The following PGGT1B variants were observed in gnomAD, a reference collection of about 807,000 sequenced individuals.
PGGT1B encodes the protein geranylgeranyl transferase type-1 subunit beta.
PGGT1B carries 30 observed loss-of-function variants against 46.1 expected under a neutral mutation model. The observed-to-expected ratio is 0.65, with a 90% CI of 0.49 to 0.88. PGGT1B has a LOEUF of 0.88. Ranked by LOEUF, PGGT1B falls within the 40% of genes least tolerant of loss-of-function variation. The pLI is 0.00. For missense variants in PGGT1B, 376 were observed against 455.9 expected, an observed-to-expected ratio of 0.82 and a Z score of 1.60; for synonymous variants, 170 against 160.0, an observed-to-expected ratio of 1.06 and a Z score of -0.47.
Position 115,212,441 on chromosome 5 carries a change from G to C in PGGT1B, c.1095C>G (p.Asp365Glu). 6.3e-7 allele frequency: 1 copy of C among 1,589,024 alleles called. No homozygotes were observed. The highest frequency in any genetic ancestry group is 8.6e-7 in the Non-Finnish European group (1 of 1,163,376). The change falls in exon 9 of 9, where the codon GAC becomes GAG. Residue 365 changes from aspartate to glutamate, a missense_variant. By Grantham distance (45) the Asp-to-Glu change is conservative. Transcript: ENST00000419445. The stretch of plus-strand genomic sequence containing the variant: ...GTACATTCTCTGAGCATTGTTTAGA[G>C]TCCTTGGTTTTCCAGCTTTGATGGA... Reference protein sequence around the residue: ...LDLHQSWKTKDSKQCSENVHI... With the variant: ...LDLHQSWKTKESKQCSENVHI...
chr5:115,222,780 A>C (rs112152988), intron 6 of PGGT1B, among the ~76,000 whole-genome samples: 2,037 of 152,320 alleles, frequency 0.013, 47 homozygotes, highest in African/African-American at 0.046. Flanking sequence ...ATGGAATACT[A>C]TGTAGCCATA....
At chr5:115,254,601 C>T (rs1304776496) in intron 1 of PGGT1B, among the ~76,000 whole-genome samples, 7 of 143,316 alleles carry the variant, frequency 4.9e-5, no homozygotes, top group Admixed American at 7.0e-5. Flanking sequence ...GATTTCTTCT[C>T]TTTTTTTTTT....
intron 3 of PGGT1B, among the ~76,000 whole-genome samples, chr5:115,240,632 C>T (rs1439592840): frequency 6.6e-6 from 1 of 152,184 alleles, no homozygotes; most frequent in Admixed American, 6.5e-5. Context: ...AGGAAGAAAG[C>T]TGAAGTAGTA....
chr5:115,236,330 T>C (rs1186874011), intron 5 of PGGT1B, 60 bp downstream of exon 5: 3 of 1,327,146 alleles, frequency 2.3e-6, no homozygotes, highest in East Asian at 4.9e-5. Flanking sequence ...TACACTATAA[T>C]ACAGCCCTCA....
At position 115,212,172 on chromosome 5, in the gene PGGT1B, A is replaced by G. The variant is rs1162621946; in HGVS notation, c.*230T>C. ...TCAAACAACTTCTTAGAAATACAGT[A>G]TAAACATTTAAGAACCACGACAAAG... On this transcript the variant is annotated 3_prime_UTR_variant, in exon 9 of 9. Coordinates refer to ENST00000419445, the MANE Select transcript of PGGT1B (RefSeq NM_005023.4). The G allele has an allele frequency of 1.6e-6, 1 of 607,080 alleles. No individual in the cohort carries two copies. Among genetic ancestry groups the G allele is most frequent in the Non-Finnish European group, 2.6e-6 (1 of 379,092 alleles). The allele number at this position is 607,080 out of a possible 1,614,324, so 37.6% of individuals were successfully genotyped here.
At chr5:115,214,450 G>A (rs1756346863) in intron 8 of PGGT1B, among the ~76,000 whole-genome samples, 1 of 152,114 alleles carries the variant, frequency 6.6e-6, no homozygotes. Flanking sequence ...TTTCATAAAT[G>A]TATATAAAAT....
intron 8 of PGGT1B, among the ~76,000 whole-genome samples, chr5:115,215,725 C>T (rs555484080): frequency 6.6e-6 from 1 of 152,326 alleles, no homozygotes; most frequent in African/African-American, 2.4e-5. Context: ...CACATTCCAA[C>T]CACAGCAGTT....
chr5:115,238,112 G>C, intron 3 of PGGT1B, 103 bp from the exon 4 acceptor site: 1 of 728,038 alleles, frequency 1.4e-6, no homozygotes, highest in Non-Finnish European at 2.2e-6. Context: ...AATTAAATAT[G>C]GCTTATACTG....
chr5:115,245,173 C>T lies in PGGT1B; in HGVS notation c.260-3567G>A, dbSNP rs563773731. On this transcript the variant is annotated intron_variant, in intron 2 of 8. Transcript: ENST00000419445. ...CTGGACACCTTTGTTGAGTACCCCA[C>T]CAACTTAAACAATTCTGTCAGGTGT... is the stretch of plus-strand genomic sequence containing the variant. 1.2e-3 allele frequency among the ~76,000 whole-genome samples: 185 copies of T among 152,228 alleles called. 1 individual carries two copies. Among genetic ancestry groups the T allele is most frequent in the Middle Eastern group, 3.4e-3 (1 of 294 alleles).
intron 5 of PGGT1B, among the ~76,000 whole-genome samples, chr5:115,232,695 A>G (rs1421268180): frequency 1.3e-5 from 2 of 152,050 alleles, no homozygotes; most frequent in Non-Finnish European, 2.9e-5. Flanking sequence ...GTATCATTTC[A>G]GCTTGTGTGG....
intron 2 of PGGT1B, among the ~76,000 whole-genome samples, chr5:115,250,771 C>A (rs1301625303): frequency 6.6e-6 from 1 of 152,166 alleles, no homozygotes; most frequent in African/African-American, 2.4e-5. Flanking sequence ...AGAAAAAGTA[C>A]ATGACTAGCA....
intron 6 of PGGT1B, among the ~76,000 whole-genome samples, chr5:115,225,808 G>C (rs1171992219): frequency 1.3e-5 from 2 of 151,790 alleles, no homozygotes; most frequent in Admixed American, 6.6e-5. Context: ...ACCACATTTG[G>C]CTAATTTTTT....
rs746265535 is a variant in PGGT1B, at chr5:115,238,024, A to T, written c.328-15T>A. The T allele has an allele frequency of 6.4e-7, 1 of 1,557,660 alleles. No individual in the cohort carries two copies. Among genetic ancestry groups the T allele is most frequent in the Admixed American group, 1.9e-5 (1 of 51,854 alleles). On this transcript the variant is annotated splice_polypyrimidine_tract_variant and intron_variant, in intron 3 of 8. Transcript: ENST00000419445. The stretch of plus-strand genomic sequence containing the variant: ...GTTCCAGGAGCCTAAATACAAAATT[A>T]ATATAGTACTAATTAATGAAGTGAA...
intron 1 of PGGT1B, among the ~76,000 whole-genome samples, chr5:115,257,929 T>C (rs1373144476): frequency 1.3e-5 from 2 of 152,218 alleles, no homozygotes; most frequent in African/African-American, 2.4e-5. Context: ...GATGCTGCCA[T>C]AATACTTCGA....
intron 5 of PGGT1B, among the ~76,000 whole-genome samples, chr5:115,233,829 T>C (rs265439): frequency 0.72 from 109,994 of 151,890 alleles, 41,050 homozygotes; most frequent in African/African-American, 0.92. Context: ...AGGCACTCTC[T>C]TATATTGGTA....
rs556082942 is a variant in PGGT1B, at chr5:115,217,181, T to C, written c.844-208A>G. Among the ~76,000 whole-genome samples, 43 of 152,300 alleles carry C rather than the reference T, an allele frequency of 2.8e-4. No individual in the cohort carries two copies. The South Asian group carries it at 3.3e-3, about 12-fold the overall frequency. On this transcript the variant is annotated intron_variant, in intron 7 of 8. Coordinates refer to ENST00000419445, the MANE Select transcript of PGGT1B (RefSeq NM_005023.4). ...ATCTACTCTCCTTTTCTCGACTCTCTATTTCCTTCTTCTGAACCAGGCCAA... is the reference window on the plus strand; with the variant it reads ...ATCTACTCTCCTTTTCTCGACTCTCCATTTCCTTCTTCTGAACCAGGCCAA...
intron 5 of PGGT1B, among the ~76,000 whole-genome samples, chr5:115,233,279 C>G (rs180978786): frequency 4.0e-5 from 6 of 150,420 alleles, no homozygotes; most frequent in African/African-American, 1.5e-4. Context: ...AACAGATGAA[C>G]AAACAATAGA....
chr5:115,236,613 C>G, intron 4 of PGGT1B, 91 bp from the exon 5 acceptor site: 1 of 699,976 alleles, frequency 1.4e-6, no homozygotes. Flanking sequence ...CTTGTCTTTA[C>G]TAACAGAAAA....
intron 1 of PGGT1B, among the ~76,000 whole-genome samples, chr5:115,253,734 G>T (rs1170628443): frequency 1.3e-5 from 2 of 151,922 alleles, no homozygotes; most frequent in Non-Finnish European, 2.9e-5. Context: ...CTTGGGAAAA[G>T]ATTTATAATA....
Sources: gnomAD v4.1 joint callset for allele counts (sites outside exome capture counted in the v4.1 genomes callset) on GRCh38, gnomAD v4.1.1 for gene constraint, MANE v1.5 for transcripts, NCBI Gene and HGNC (gene_info 2026-07-23, HGNC 2026-07-21) for gene names.